Variants in PHETA1 observed in about 807,000 individuals in gnomAD.
PHETA1 encodes sesquipedalian-1.
For missense variants in PHETA1, 348 were observed against 373.5 expected, an observed-to-expected ratio of 0.93 and a Z score of 0.56; for synonymous variants, 155 against 168.9, an observed-to-expected ratio of 0.92 and a Z score of 0.64.
chr12:111,363,356 C>T lies in PHETA1; in HGVS notation c.72G>A (p.Leu24=), dbSNP rs753194011. 1.5e-5 allele frequency: 25 copies of T among 1,613,018 alleles called. No individual in the cohort carries two copies. Among genetic ancestry groups the T allele is most frequent in the African/African-American group, 5.3e-5 (4 of 74,936 alleles). ...CDAPVDNAGF[L]YKKGGRHAAY... Reference sequence around the variant, plus strand: ...CCGCGTGCCGCCCACCCTTCTTGTACAGGAAGCCTGCATTGTCCACCGGGG... The same window carrying T: ...CCGCGTGCCGCCCACCCTTCTTGTATAGGAAGCCTGCATTGTCCACCGGGG... The change falls in exon 3 of 3, where the codon CTG becomes CTA. Residue 24 remains leucine (L), a synonymous_variant. Transcript: ENST00000683047. The surrounding 1 kb of genome is among the most constrained non-coding windows in gnomAD (Gnocchi z 7.4).
intron 2 of PHETA1, chr12:111,365,473 G>A (rs565007055): frequency 6.6e-6 from 3 of 455,950 alleles, no homozygotes; most frequent in South Asian, 4.7e-5. Flanking sequence ...CCTAGAAGAC[G>A]GAACATGAGT....
At position 111,363,770 on chromosome 12, in the gene PHETA1, T is replaced by C. The variant is rs915384842; in HGVS notation, c.-36-307A>G. On this transcript the variant is annotated intron_variant, in intron 2 of 2. Coordinates refer to ENST00000683047, the MANE Select transcript of PHETA1 (RefSeq NM_144671.6). The surrounding 1 kb of genome is among the most constrained non-coding windows in gnomAD (Gnocchi z 7.4). ...GGAATGAACTCACTTTATCTCACAA[T>C]AGACCTTAGGTCACAGGGACTGGCC... The C allele has an allele frequency of 3.3e-5, 47 of 1,411,364 alleles. No individual in the cohort carries two copies. The highest frequency in any genetic ancestry group is 6.4e-5 in the Admixed American group (3 of 47,156). 87.4% of individuals were successfully genotyped at this position (1,411,364 alleles called of 1,614,324 possible).
chr12:111,363,494 A>G lies in PHETA1; in HGVS notation c.-36-31T>C. 8 of 1,570,830 alleles carry G rather than the reference A, an allele frequency of 5.1e-6. No homozygotes were observed. Among genetic ancestry groups the G allele is most frequent in the Non-Finnish European group, 6.9e-6 (8 of 1,160,472 alleles). On this transcript the variant is annotated intron_variant, in intron 2 of 2. Transcript: ENST00000683047. This position sits in a 1 kb window ranked among gnomAD's most constrained non-coding sequence, Gnocchi z 7.4. ...CCCCATAGAAGGGCTGTTATGCACA[A>G]GGCCACTGACGCTAGGTCACCCAGT...
At chr12:111,365,085 T>C (rs1369362119) in intron 2 of PHETA1, among the ~76,000 whole-genome samples, 1 of 152,120 alleles carries the variant, frequency 6.6e-6, no homozygotes, top group Non-Finnish European at 1.5e-5. Context: ...AAGGAGTATA[T>C]GATGGGGCAA....
At chr12:111,365,507 C>A (rs1868973169) in intron 2 of PHETA1, 1 of 455,872 alleles carries the variant, frequency 2.2e-6, no homozygotes, top group Non-Finnish European at 4.4e-6. Flanking sequence ...CTGAGATCAA[C>A]CAACCCAAAT....
In PHETA1 at chr12:111,363,434, A is replaced by G. The variant is rs777312102; in HGVS notation, c.-7T>C. 2 of 1,606,542 alleles carry G rather than the reference A, an allele frequency of 1.2e-6. No individual in the cohort carries two copies. Among genetic ancestry groups the G allele is most frequent in the South Asian group, 1.1e-5 (1 of 90,638 alleles). On this transcript the variant is annotated 5_prime_UTR_variant, in exon 3 of 3. Transcript: ENST00000683047. The surrounding 1 kb of genome is among the most constrained non-coding windows in gnomAD (Gnocchi z 7.4). The stretch of plus-strand genomic sequence containing the variant: ...TGCGCTCGTTCAGCTTCATGGTGGC[A>G]ATCGCGGGGCCTGGAGGGGAGCCTG...
rs1443302891 is a variant in PHETA1, at chr12:111,361,495, A to G, written c.*1183T>C. On this transcript the variant is annotated 3_prime_UTR_variant, in exon 3 of 3. Transcript: ENST00000683047. ...GTGTGGGGCACTGAGGACTGTAAAC[A>G]TGACCCAGGGTGAGGGCCAGGAGGT... The G allele has an allele frequency of 1.4e-5, 3 of 207,412 alleles. No homozygotes were observed. The highest frequency in any genetic ancestry group is 3.0e-5 in the Non-Finnish European group (3 of 100,568). The allele number at this position is 207,412 out of a possible 1,614,324, so 12.8% of individuals were successfully genotyped here.
At position 111,361,605 on chromosome 12, in the gene PHETA1, C is replaced by G. The variant is rs1036745593; in HGVS notation, c.*1073G>C. 1 of 284,800 alleles carries G rather than the reference C, an allele frequency of 3.5e-6. No homozygotes were observed. Among genetic ancestry groups the G allele is most frequent in the South Asian group, 3.3e-5 (1 of 30,050 alleles). 17.6% of individuals were successfully genotyped at this position (284,800 alleles called of 1,614,324 possible). ...ACCGGCGGTCAGCCCCGAAGCCAAGCAAGACCTGGTCCCCACCAGGAGTAT... is the reference window on the plus strand; with the variant it reads ...ACCGGCGGTCAGCCCCGAAGCCAAGGAAGACCTGGTCCCCACCAGGAGTAT... On this transcript the variant is annotated 3_prime_UTR_variant, in exon 3 of 3. Transcript: ENST00000683047.
rs974303833 is a variant in PHETA1 at position 111,362,226 on chromosome 12, C to T, written c.*452G>A. The T allele has an allele frequency of 4.1e-5, 15 of 365,946 alleles. No homozygotes were observed. The highest frequency in any genetic ancestry group is 1.5e-4 in the African/African-American group (7 of 47,182). 22.7% of individuals were successfully genotyped at this position (365,946 alleles called of 1,614,324 possible). ...CAGGCCCAGGTGTGGCTGCCATGAC[C>T]GATCCTCCCTCTGTCCACCCTGAAG... On this transcript the variant is annotated 3_prime_UTR_variant, in exon 3 of 3. Transcript: ENST00000683047.
chr12:111,363,067 G>A lies in PHETA1; in HGVS notation c.361C>T (p.Arg121Cys), dbSNP rs764966061. ...GCCGCCAGCTGCTGCTCCAGCTCGC[G>A]CACCACCAGCCGCAGGTAGTCGAAG... ...ASFDYLRLVVRELEQQLAAVR... is the reference protein window; with the variant it reads ...ASFDYLRLVVCELEQQLAAVR... The change falls in exon 3 of 3, where the codon CGC (arginine) becomes TGC (cysteine). Residue 121 changes from arginine to cysteine, a missense_variant. Arg to Cys is a radical substitution (Grantham distance 180, BLOSUM62 -3). Transcript: ENST00000683047. The surrounding 1 kb of genome is among the most constrained non-coding windows in gnomAD (Gnocchi z 7.4). 7.0e-6 allele frequency: 11 copies of A among 1,576,202 alleles called. 1 individual carries two copies. The East Asian group carries it at 2.3e-4, about 32-fold the overall frequency.
chr12:111,362,653 C>T lies in PHETA1; in HGVS notation c.*25G>A, dbSNP rs1158280718. On this transcript the variant is annotated 3_prime_UTR_variant, in exon 3 of 3. Coordinates refer to ENST00000683047, the MANE Select transcript of PHETA1 (RefSeq NM_144671.6). ...CCCAGAGGGCATAGAGCTTGTGTCC[C>T]CCTAAAACAGGCGCCCTGGTGGCCT... is the stretch of plus-strand genomic sequence containing the variant. 5.2e-6 allele frequency: 8 copies of T among 1,549,066 alleles called. No homozygotes were observed. Among genetic ancestry groups the T allele is most frequent in the African/African-American group, 2.7e-5 (2 of 73,042 alleles).
rs1210912053 is a variant in PHETA1, at chr12:111,361,023, C to G, written c.*1655G>C. 6.6e-6 allele frequency: 1 copy of G among 152,510 alleles called. No homozygotes were observed. The highest frequency in any genetic ancestry group is 2.1e-4 in the South Asian group (1 of 4,820). 9.4% of individuals were successfully genotyped at this position (152,510 alleles called of 1,614,324 possible). ...GGACCATACCAAGACCCCAGAGGTG[C>G]CTGTGGAGAGCAGGGCTTGCTGGGG... On this transcript the variant is annotated 3_prime_UTR_variant, in exon 3 of 3. Transcript: ENST00000683047.
Position 111,363,461 on chromosome 12 carries a change from G to A in PHETA1, c.-34C>T. On this transcript the variant is annotated splice_region_variant and 5_prime_UTR_variant, in exon 3 of 3. Coordinates refer to ENST00000683047, the MANE Select transcript of PHETA1 (RefSeq NM_144671.6). This position sits in a 1 kb window ranked among gnomAD's most constrained non-coding sequence, Gnocchi z 7.4. Reference sequence around the variant, plus strand: ...TCGCGGGGCCTGGAGGGGAGCCTGGGGCCTGGACCCCATAGAAGGGCTGTT... The same window carrying A: ...TCGCGGGGCCTGGAGGGGAGCCTGGAGCCTGGACCCCATAGAAGGGCTGTT... The A allele has an allele frequency of 6.3e-7, 1 of 1,596,144 alleles. No homozygotes were observed. The highest frequency in any genetic ancestry group is 8.5e-7 in the Non-Finnish European group (1 of 1,170,438).
intron 1 of PHETA1, among the ~76,000 whole-genome samples, chr12:111,366,882 T>C (rs992983477): frequency 1.3e-5 from 2 of 151,374 alleles, no homozygotes; most frequent in African/African-American, 4.9e-5. Flanking sequence ...CTGGACAACA[T>C]AGCAAGACCC....
intron 1 of PHETA1, among the ~76,000 whole-genome samples, chr12:111,366,465 A>C (rs1300973627): frequency 6.6e-6 from 1 of 152,038 alleles, no homozygotes; most frequent in Non-Finnish European, 1.5e-5. Flanking sequence ...TCACCCCCGC[A>C]TCTGATCGCA....
chr12:111,365,144 T>G (rs1490899637), intron 2 of PHETA1, among the ~76,000 whole-genome samples: 1 of 152,210 alleles, frequency 6.6e-6, no homozygotes, highest in Non-Finnish European at 1.5e-5. Context: ...GTCCCTGGCC[T>G]GGCCACCTTC....
rs1054798166 is a variant in PHETA1, at chr12:111,362,903, G to A, written c.525C>T (p.Pro175=). The change falls in exon 3 of 3, where the codon CCC becomes CCT. Residue 175 remains proline (P), a synonymous_variant. Coordinates refer to ENST00000683047, the MANE Select transcript of PHETA1 (RefSeq NM_144671.6). ...APAPVPALPL[P]RRPSALPPKE... ...TGGGCGGGAGGGCACTGGGCCGGCG[G>A]GGCAGGGGCAGGGCTGGGACCGGGG... The A allele has an allele frequency of 2.6e-6, 4 of 1,512,586 alleles. No homozygotes were observed. The highest frequency in any genetic ancestry group is 2.8e-5 in the African/African-American group (2 of 72,510). The allele number at this position is 1,512,586 out of a possible 1,614,324, so 93.7% of individuals were successfully genotyped here.
rs1444854457 is a variant in PHETA1, at chr12:111,362,796, C to A, written c.632G>T (p.Arg211Leu). 6.5e-7 allele frequency: 1 copy of A among 1,539,166 alleles called. No homozygotes were observed. The highest frequency in any genetic ancestry group is 1.2e-5 in the South Asian group (1 of 83,840). The change falls in exon 3 of 3, where the codon CGG becomes CTG. Residue 211 changes from arginine to leucine, a missense_variant. Transcript: ENST00000683047. ...CAGGGGCCCGTGGGGTGCCGAGGCCCGGCGGCGAGGCGGTGGTGGAGGGGG... is the reference window on the plus strand; with the variant it reads ...CAGGGGCCCGTGGGGTGCCGAGGCCAGGCGGCGAGGCGGTGGTGGAGGGGG... ...PEPPPPPPRRRASAPHGPLDM... is the reference protein window; with the variant it reads ...PEPPPPPPRRLASAPHGPLDM...
chr12:111,368,335 G>A lies in PHETA1; in HGVS notation c.-182+577C>T, dbSNP rs374857849. On this transcript the variant is annotated intron_variant, in intron 1 of 2. Coordinates refer to ENST00000683047, the MANE Select transcript of PHETA1 (RefSeq NM_144671.6). The surrounding 1 kb of genome is among the most constrained non-coding windows in gnomAD (Gnocchi z 5.0). ...ATGGCATTTTGGCACTCACATCAAC[G>A]AAAAGAAGCCAGTACCGCAGGTCCT... is the stretch of plus-strand genomic sequence containing the variant. 4.4e-4 allele frequency among the ~76,000 whole-genome samples: 67 copies of A among 152,260 alleles called. 1 individual carries two copies. The highest frequency in any genetic ancestry group is 1.6e-3 in the African/African-American group (65 of 41,544).
Sources: gnomAD v4.1 joint callset for allele counts (sites outside exome capture counted in the v4.1 genomes callset) on GRCh38, gnomAD v4.1.1 for gene constraint, Gnocchi (gnomAD v3.1) non-coding constraint, MANE v1.5 for transcripts, NCBI Gene and HGNC (gene_info 2026-07-23, HGNC 2026-07-21) for gene names.